The following CFAP53 variants were observed in gnomAD, a reference collection of about 807,000 sequenced individuals.
The protein encoded by CFAP53 is cilia and flagella associated protein 53, also known as cilia- and flagella-associated protein 53.
In CFAP53, 62 loss-of-function variants were observed where a neutral mutation model predicts 59.7. The ratio of observed to expected loss-of-function variants is 1.04; its 90% confidence interval spans 0.85 to 1.28. The LOEUF (loss-of-function observed/expected upper bound fraction) is 1.28, where lower values mean the gene tolerates loss of function less well. Ranked by LOEUF, CFAP53 falls within the 50% of genes most tolerant of loss-of-function variation. The probability of loss-of-function intolerance (pLI) is 0.00; values close to 1 mark genes in which losing one functional copy is unlikely to be tolerated. For missense variants in CFAP53, 629 were observed against 615.6 expected, an observed-to-expected ratio of 1.02 and a Z score of -0.23; for synonymous variants, 218 against 205.7, an observed-to-expected ratio of 1.06 and a Z score of -0.51.
intron 5 of CFAP53, among the ~76,000 whole-genome samples, chr18:50,246,526 AAAAC>A (rs1250950520): frequency 4.5e-4 from 68 of 152,386 alleles, no homozygotes; most frequent in African/African-American, 1.6e-3. Context: ...CTCTAACAAG[AAAAC>A]AAAGAAGTAC....
intron 1 of CFAP53, among the ~76,000 whole-genome samples, chr18:50,265,013 A>G (rs2033926817): frequency 2.0e-5 from 3 of 152,352 alleles, no homozygotes; most frequent in African/African-American, 7.2e-5. Flanking sequence ...GAAGTTTGCT[A>G]TGTGCACTGT....
intron 6 of CFAP53, among the ~76,000 whole-genome samples, chr18:50,238,937 A>C (rs1470942368): frequency 1.3e-5 from 2 of 151,986 alleles, no homozygotes; most frequent in African/African-American, 4.8e-5. Flanking sequence ...AAAATCTATA[A>C]TTACCCTTTT....
intron 3 of CFAP53, among the ~76,000 whole-genome samples, chr18:50,260,534 G>A (rs1018835197): frequency 2.0e-5 from 3 of 152,106 alleles, no homozygotes; most frequent in African/African-American, 4.8e-5. Flanking sequence ...GCACAGTGGC[G>A]CGTGCCTATA....
chr18:50,235,856 C>T (rs909717585), intron 7 of CFAP53, among the ~76,000 whole-genome samples: 11 of 152,184 alleles, frequency 7.2e-5, no homozygotes, highest in South Asian at 2.1e-4. Flanking sequence ...AATCCTAGGT[C>T]GGGCAAACTA....
In CFAP53 at chr18:50,251,034, T is replaced by C. The variant is rs1170150515; in HGVS notation, c.778-58A>G. The C allele has an allele frequency of 2.9e-6, 4 of 1,365,210 alleles. No individual in the cohort carries two copies. In the South Asian group the frequency reaches 4.7e-5, roughly 16 times the overall value. 84.6% of individuals were successfully genotyped at this position (1,365,210 alleles called of 1,614,324 possible). A position where few individuals can be genotyped will look rare whatever the true frequency, so the allele number is the denominator to read the frequency against. On this transcript the variant is annotated intron_variant, in intron 4 of 7. Transcript: ENST00000398545. The stretch of plus-strand genomic sequence containing the variant: ...AGTACAGTTGGACAAGACAAGTTAG[T>C]GCATTTGACTTCAGAGATGGGAATA...
At chr18:50,233,618 C>T (rs1165418979) in intron 7 of CFAP53, among the ~76,000 whole-genome samples, 2 of 152,238 alleles carry the variant, frequency 1.3e-5, no homozygotes, top group African/African-American at 4.8e-5. Context: ...CCTGAGTTTA[C>T]TACATATTGT....
At chr18:50,237,611 C>G (rs1034322654) in intron 7 of CFAP53, among the ~76,000 whole-genome samples, 2 of 151,638 alleles carry the variant, frequency 1.3e-5, no homozygotes, top group African/African-American at 4.8e-5. Flanking sequence ...GGGAGGGTGA[C>G]CAGTAATCAG....
In CFAP53 at chr18:50,251,467, T is replaced by G; in HGVS notation, c.777+14A>C. 6.2e-7 allele frequency: 1 copy of G among 1,607,068 alleles called. No homozygotes were observed. Among genetic ancestry groups the G allele is most frequent in the Non-Finnish European group, 8.5e-7 (1 of 1,177,678 alleles). On this transcript the variant is annotated intron_variant, in intron 4 of 7. Transcript: ENST00000398545. ...GGCGTTGATCACCCTCTAACAAGCATTTTAAAGGCCCACCACAAGGCGTGC... is the reference window on the plus strand; with the variant it reads ...GGCGTTGATCACCCTCTAACAAGCAGTTTAAAGGCCCACCACAAGGCGTGC...
At chr18:50,232,660 T>C (rs1410193514) in intron 7 of CFAP53, among the ~76,000 whole-genome samples, 2 of 152,216 alleles carry the variant, frequency 1.3e-5, no homozygotes, top group Non-Finnish European at 2.9e-5. Flanking sequence ...GGCCTTATGC[T>C]AAATAGGCTC....
Position 50,227,525 on chromosome 18 carries a change from T to C in CFAP53, c.1401A>G (p.Glu467=), listed in dbSNP as rs2144396687. The C allele has an allele frequency of 6.2e-7, 1 of 1,613,236 alleles. No individual in the cohort carries two copies. The highest frequency in any genetic ancestry group is 2.2e-5 in the East Asian group (1 of 44,864). Reference sequence around the variant, plus strand: ...CTGCTTCAAACTCTCGGCGTTTCTCTTCCTTCTCTGCTTCTTGGGACTGCT... The same window carrying C: ...CTGCTTCAAACTCTCGGCGTTTCTCCTCCTTCTCTGCTTCTTGGGACTGCT... The part of the protein sequence containing the change: ...YQQQSQEAEK[E]EKRREFEAGV... Residue 467 remains glutamate (E), a synonymous_variant, in exon 8 of 8, where the codon GAA becomes GAG. Coordinates refer to ENST00000398545, the MANE Select transcript of CFAP53 (RefSeq NM_145020.5).
intron 5 of CFAP53, among the ~76,000 whole-genome samples, chr18:50,248,473 G>T (rs1568155470): frequency 6.6e-6 from 1 of 152,102 alleles, no homozygotes; most frequent in Non-Finnish European, 1.5e-5. Flanking sequence ...TGCTCTTCTA[G>T]GCATTTATCT....
rs749416994 is a variant in CFAP53 at position 50,243,119 on chromosome 18, A to G, written c.997-3T>C. 6.3e-6 allele frequency: 10 copies of G among 1,599,412 alleles called. No individual in the cohort carries two copies. Among genetic ancestry groups the G allele is most frequent in the Non-Finnish European group, 7.7e-6 (9 of 1,169,618 alleles). The stretch of plus-strand genomic sequence containing the variant: ...TTCTGTTCTCTTATCATATCTTCCT[A>G]TGTAACATAAAAATTCATATTGTTA... On this transcript the variant is annotated splice_region_variant and splice_polypyrimidine_tract_variant and intron_variant, in intron 5 of 7. Coordinates refer to ENST00000398545, the MANE Select transcript of CFAP53 (RefSeq NM_145020.5).
At chr18:50,237,385 TAC>T (rs1201647226) in intron 7 of CFAP53, among the ~76,000 whole-genome samples, 623 of 6,688 alleles carry the variant, frequency 0.093, 13 homozygotes, top group African/African-American at 0.14. Flanking sequence ...CACACACACA[TAC>T]ACACACACAC....
intron 6 of CFAP53, among the ~76,000 whole-genome samples, chr18:50,240,513 A>G (rs1183254816): frequency 1.3e-5 from 2 of 152,302 alleles, no homozygotes; most frequent in East Asian, 1.9e-4. Context: ...AGTCAGGAAT[A>G]AGAACTTCTT....
At chr18:50,233,456 C>T (rs374047019) in intron 7 of CFAP53, among the ~76,000 whole-genome samples, 5 of 152,122 alleles carry the variant, frequency 3.3e-5, no homozygotes, top group Non-Finnish European at 7.4e-5. Flanking sequence ...TATTTGCAAG[C>T]GGACTTCCAA....
intron 7 of CFAP53, among the ~76,000 whole-genome samples, chr18:50,229,724 TTC>T (rs1240420425): frequency 7.9e-5 from 10 of 126,716 alleles, no homozygotes; most frequent in African/African-American, 2.7e-4. Flanking sequence ...TGTAGTCTCT[TTC>T]TTTTTTTCTT....
rs1179749405 is a variant in CFAP53, at chr18:50,227,311, A to G, written c.*70T>C. On this transcript the variant is annotated 3_prime_UTR_variant, in exon 8 of 8. Coordinates refer to ENST00000398545, the MANE Select transcript of CFAP53 (RefSeq NM_145020.5). ...AAGAAAAGTTTATCCAGGAGTTAAA[A>G]GAAGCATACAAGCATACTGTAGTTA... 5 of 1,218,146 alleles carry G rather than the reference A, an allele frequency of 4.1e-6. No homozygotes were observed. In the South Asian group the frequency reaches 5.6e-5, roughly 14 times the overall value. The allele number at this position is 1,218,146 out of a possible 1,614,324, so 75.5% of individuals were successfully genotyped here. A position where few individuals can be genotyped will look rare whatever the true frequency, so the allele number is the denominator to read the frequency against.
At chr18:50,265,871 C>T (rs2033955704) in intron 1 of CFAP53, among the ~76,000 whole-genome samples, 1 of 152,180 alleles carries the variant, frequency 6.6e-6, no homozygotes, top group Non-Finnish European at 1.5e-5. Context: ...GGTGCTATAA[C>T]CACTCACAAC....
At chr18:50,248,457 A>G (rs1018276310) in intron 5 of CFAP53, among the ~76,000 whole-genome samples, 1 of 152,232 alleles carries the variant, frequency 6.6e-6, no homozygotes, top group Non-Finnish European at 1.5e-5. Context: ...TATATGACAT[A>G]GCAATTGCTC....
Sources: allele counts gnomAD v4.1 joint callset (sites outside exome capture counted in the v4.1 genomes callset), GRCh38; gene constraint gnomAD v4.1.1; transcripts MANE v1.5; gene names NCBI Gene and HGNC (gene_info 2026-07-23, HGNC 2026-07-21).